The following ICE1 variants were observed in gnomAD, a reference collection of about 807,000 sequenced individuals.
The protein encoded by ICE1 is little elongation complex subunit 1.
In ICE1, 64 loss-of-function variants were observed where a neutral mutation model predicts 192.7. That is an observed-to-expected ratio of 0.33 (90% CI 0.27 to 0.41). The LOEUF (loss-of-function observed/expected upper bound fraction) is 0.41. Among genes scored for constraint, ICE1 ranks in the 10% least tolerant of loss-of-function variants. The probability of loss-of-function intolerance (pLI) is 1.00; values close to 1 mark genes in which losing one functional copy is unlikely to be tolerated. For missense variants in ICE1, 2,708 were observed against 2,696.0 expected, an observed-to-expected ratio of 1.00 and a Z score of -0.10; for synonymous variants, 1,010 against 984.5, an observed-to-expected ratio of 1.03 and a Z score of -0.49.
At chr5:5,424,187 G>A (rs1338317148) in intron 1 of ICE1, among the ~76,000 whole-genome samples, 1 of 152,194 alleles carries the variant, frequency 6.6e-6, no homozygotes, top group Non-Finnish European at 1.5e-5. Flanking sequence ...CCAGACGGGA[G>A]TGCAGGCTAG....
intron 17 of ICE1, among the ~76,000 whole-genome samples, chr5:5,477,853 A>G (rs1184920673): frequency 1.3e-5 from 2 of 152,242 alleles, no homozygotes; most frequent in Non-Finnish European, 2.9e-5. Context: ...AGCCTAATCC[A>G]TCACATAAAC....
chr5:5,462,523 T>C lies in ICE1; in HGVS notation c.3189T>C (p.Cys1063=). The C allele has an allele frequency of 1.2e-6, 2 of 1,613,936 alleles. No homozygotes were observed. Among genetic ancestry groups the C allele is most frequent in the Non-Finnish European group, 1.7e-6 (2 of 1,179,878 alleles). ...STTPGGALPE[C]FGTTDTTFSS... ...CTCCCGGTGGTGCTTTGCCTGAGTG[T>C]TTTGGCACCACAGACACTACTTTTT... The change falls in exon 13 of 19, where the codon TGT becomes TGC. Residue 1063 remains cysteine, a synonymous_variant. Transcript: ENST00000296564.
chr5:5,444,268 C>G (rs1442787563), intron 6 of ICE1, 21 bp from the exon 7 acceptor site: 1 of 1,537,772 alleles, frequency 6.5e-7, no homozygotes, highest in East Asian at 2.4e-5. Context: ...TGCCATTTAA[C>G]TTACACAATT....
At chr5:5,460,335 T>G in intron 12 of ICE1, 101 bp from the exon 13 acceptor site, 1 of 825,478 alleles carries the variant, frequency 1.2e-6, no homozygotes, top group Non-Finnish European at 1.9e-6. Flanking sequence ...ATTGTAAAGA[T>G]TCTTCAGGAA....
At chr5:5,485,339 C>G (rs1384035383) in intron 17 of ICE1, among the ~76,000 whole-genome samples, 1 of 152,114 alleles carries the variant, frequency 6.6e-6, no homozygotes, top group African/African-American at 2.4e-5. Flanking sequence ...TGCCTTGTTG[C>G]AGACCTTTGT....
At chr5:5,454,709 G>A (rs1579557124) in intron 11 of ICE1, 71 bp downstream of exon 11, 15 of 1,114,526 alleles carry the variant, frequency 1.3e-5, no homozygotes, top group African/African-American at 9.3e-5. Context: ...CATAGCAGCC[G>A]TTACTTTTTA....
intron 16 of ICE1, among the ~76,000 whole-genome samples, chr5:5,474,941 C>A (rs905348049): frequency 2.0e-5 from 3 of 152,186 alleles, no homozygotes; most frequent in Admixed American, 2.0e-4. Context: ...TATTAAAACA[C>A]ATAGCTATGA....
chr5:5,430,654 C>T (rs1466676354), intron 1 of ICE1, among the ~76,000 whole-genome samples: 3 of 152,150 alleles, frequency 2.0e-5, no homozygotes, highest in South Asian at 2.1e-4. Flanking sequence ...ATAGTAGACT[C>T]ATTGCTGACT....
chr5:5,474,170 A>G (rs1242266933), intron 16 of ICE1, among the ~76,000 whole-genome samples: 1 of 151,590 alleles, frequency 6.6e-6, no homozygotes, highest in East Asian at 1.9e-4. Context: ...AGATTGTGCC[A>G]CTGCACTCCA....
At chr5:5,471,883 G>A (rs1046897317) in intron 15 of ICE1, among the ~76,000 whole-genome samples, 10 of 152,198 alleles carry the variant, frequency 6.6e-5, no homozygotes, top group Non-Finnish European at 7.4e-5. Flanking sequence ...TTTTTCTGGT[G>A]GAGGTGATAA....
intron 1 of ICE1, among the ~76,000 whole-genome samples, chr5:5,431,764 A>C (rs1358259617): frequency 1.3e-5 from 2 of 151,950 alleles, no homozygotes; most frequent in Non-Finnish European, 2.9e-5. Context: ...AATCCTATTG[A>C]AGTCCATATT....
Position 5,462,308 on chromosome 5 carries a change from C to A in ICE1, c.2974C>A (p.Leu992Met). 2 of 1,613,910 alleles carry A rather than the reference C, an allele frequency of 1.2e-6. No individual in the cohort carries two copies. Among genetic ancestry groups the A allele is most frequent in the Non-Finnish European group, 1.7e-6 (2 of 1,179,874 alleles). Residue 992 changes from leucine (L) to methionine (M), a missense_variant, in exon 13 of 19, where the codon CTG becomes ATG. Leu to Met is a conservative substitution (Grantham distance 15, BLOSUM62 2). This residue lies in a region of ICE1 where 2,366 missense variants were observed against 2,276.6 expected (regional missense o/e 1.04). Coordinates refer to ENST00000296564, the MANE Select transcript of ICE1 (RefSeq NM_015325.3). Reference protein sequence around the residue: ...QKQRQPQATDLDSSGTHGSEM... With the variant: ...QKQRQPQATDMDSSGTHGSEM... ...GCAAAGGCAGCCTCAGGCCACAGAT[C>A]TGGACTCCAGTGGGACACATGGCAG...
intron 11 of ICE1, among the ~76,000 whole-genome samples, chr5:5,455,903 C>T (rs1561084544): frequency 6.6e-6 from 1 of 152,138 alleles, no homozygotes; most frequent in Non-Finnish European, 1.5e-5. Flanking sequence ...GTACAGGAAC[C>T]CACGTTGCCT....
At chr5:5,446,491 A>G (rs959187127) in intron 7 of ICE1, among the ~76,000 whole-genome samples, 6 of 145,576 alleles carry the variant, frequency 4.1e-5, no homozygotes, top group Admixed American at 6.8e-5. Context: ...GAGTTCCACT[A>G]TGTTGCCCAG....
rs772431538 is a variant in ICE1 at position 5,465,173 on chromosome 5, G to A, written c.5839G>A (p.Val1947Ile). Residue 1947 changes from valine to isoleucine, a missense_variant, in exon 13 of 19, where the codon GTA becomes ATA. This residue lies in a region of ICE1 where 342 missense variants were observed against 419.3 expected (regional missense o/e 0.82). Coordinates refer to ENST00000296564, the MANE Select transcript of ICE1 (RefSeq NM_015325.3). ...VYVGNISKKP[V>I]MRDQEKEVVY... is the part of the protein sequence containing the mutation. ...TGTGGGAAATATCTCCAAAAAGCCC[G>A]TAATGAGAGATCAAGAGAAGGAAGT... 10 of 1,603,310 alleles carry A rather than the reference G, an allele frequency of 6.2e-6. No homozygotes were observed. Among genetic ancestry groups the A allele is most frequent in the African/African-American group, 1.3e-5 (1 of 74,732 alleles).
chr5:5,470,677 A>T (rs1739133166), intron 15 of ICE1, among the ~76,000 whole-genome samples: 1 of 152,182 alleles, frequency 6.6e-6, no homozygotes, highest in Non-Finnish European at 1.5e-5. Flanking sequence ...CAAATGAATG[A>T]TGAATTGGCC....
Position 5,461,995 on chromosome 5 carries a change from AG to A in ICE1, c.2662del (p.Val888Ter). Reference protein sequence around the residue: ...LRPHRVEPTLVTENSGNKTGM... With the variant: ...LRPHRVEPTLXTENSGNKTGM... ...GGCCACATAGGGTTGAGCCTACCTT[AG>A]TAACAGAAAATAGTGGCAACAAAAC... On this transcript the variant is annotated frameshift_variant, in exon 13 of 19. Transcript: ENST00000296564. LOFTEE classifies it high-confidence loss of function. The A allele has an allele frequency of 6.2e-7, 1 of 1,614,008 alleles. No homozygotes were observed. The highest frequency in any genetic ancestry group is 8.5e-7 in the Non-Finnish European group (1 of 1,179,900).
At position 5,464,677 on chromosome 5, in the gene ICE1, T is replaced by C; in HGVS notation, c.5343T>C (p.Ala1781=). 1.2e-6 allele frequency: 2 copies of C among 1,613,948 alleles called. No homozygotes were observed. The highest frequency in any genetic ancestry group is 4.5e-5 in the East Asian group (2 of 44,868). The change falls in exon 13 of 19, where the codon GCT becomes GCC. Residue 1781 remains alanine, a synonymous_variant. Coordinates refer to ENST00000296564, the MANE Select transcript of ICE1 (RefSeq NM_015325.3). This position sits in a 1 kb window ranked among gnomAD's most constrained non-coding sequence, Gnocchi z 4.0. Reference sequence around the variant, plus strand: ...TTCAACTCACACGAGGTCCGCCTGCTGACTGTAAGAATTTACCGGGACCTG... The same window carrying C: ...TTCAACTCACACGAGGTCCGCCTGCCGACTGTAAGAATTTACCGGGACCTG... ...GNIQLTRGPP[A]DCKNLPGPAS... is the part of the protein sequence containing the mutation.
chr5:5,435,681 TTTG>T (rs749829316), intron 1 of ICE1, among the ~76,000 whole-genome samples: 18 of 114,442 alleles, frequency 1.6e-4, no homozygotes, highest in East Asian at 1.1e-3. Flanking sequence ...TTGTTTTGTT[TTTG>T]TTTTTTTTTT....
Sources: gnomAD v4.1 joint callset for allele counts (sites outside exome capture counted in the v4.1 genomes callset) on GRCh38, gnomAD v4.1.1 for gene constraint, gnomAD v4.1.1 regional missense constraint, Gnocchi (gnomAD v3.1) non-coding constraint, MANE v1.5 for transcripts, NCBI Gene and HGNC (gene_info 2026-07-23, HGNC 2026-07-21) for gene names.